OLAH: variants seen among roughly 807,000 people sequenced by gnomAD.
The protein encoded by OLAH is oleoyl-ACP hydrolase.
OLAH carries 33 observed loss-of-function variants against 27.8 expected under a neutral mutation model. The observed-to-expected ratio is 1.19, with a 90% CI of 0.90 to 1.59. The LOEUF (loss-of-function observed/expected upper bound fraction) is 1.59. OLAH is among the 40% of genes most tolerant of loss of function. The pLI, the probability that OLAH is intolerant of heterozygous loss-of-function variation, is 0.00. For missense variants in OLAH, 359 were observed against 310.8 expected, an observed-to-expected ratio of 1.16 and a Z score of -1.17; for synonymous variants, 120 against 102.9, an observed-to-expected ratio of 1.17 and a Z score of -1.01.
intron 6 of OLAH, 179 bp from the exon 7 acceptor site, chr10:15,071,616 A>G: frequency 1.0e-6 from 1 of 984,778 alleles, no homozygotes; most frequent in Non-Finnish European, 1.2e-6. Flanking sequence ...TAGTCTCCAC[A>G]CTGAGTCTCA....
chr10:15,042,564 C>T (rs1263283100), upstream of OLAH, among the ~76,000 whole-genome samples: 2 of 152,178 alleles, frequency 1.3e-5, no homozygotes, highest in Non-Finnish European at 2.9e-5. Context: ...CTCTTCTAGT[C>T]ATTTTAGAAT....
chr10:15,059,008 CCT>C (rs1250886876), intron 3 of OLAH, among the ~76,000 whole-genome samples: 2 of 129,484 alleles, frequency 1.5e-5, no homozygotes, highest in Admixed American at 7.6e-5. Context: ...TCTCTCCTTC[CCT>C]CTCTCCTTCC....
At chr10:15,047,447 C>T (rs1287245459) in intron 2 of OLAH, 127 bp downstream of exon 2, 2 of 931,360 alleles carry the variant, frequency 2.1e-6, no homozygotes, top group Admixed American at 4.1e-5. Flanking sequence ...GTAATCCCAG[C>T]ACTTTGGGAG....
chr10:15,043,612 C>A (rs1192056461), upstream of OLAH, among the ~76,000 whole-genome samples: 1 of 151,780 alleles, frequency 6.6e-6, no homozygotes, highest in African/African-American at 2.4e-5. Flanking sequence ...GTAGCAGGTG[C>A]CTACCACCAT....
rs909701755 is a variant in OLAH at position 15,051,587 on chromosome 10, G to C, written c.163+1822G>C. The stretch of plus-strand genomic sequence containing the variant: ...TTTCCCTCTTCTGACAGTATCCTTA[G>C]AGACACACCTATTATCTGTATGAAA... On this transcript the variant is annotated intron_variant, in intron 3 of 7. Coordinates refer to ENST00000378228, the MANE Select transcript of OLAH (RefSeq NM_001039702.3). 4.6e-5 allele frequency among the ~76,000 whole-genome samples: 7 copies of C among 152,162 alleles called. No individual in the cohort carries two copies. In the South Asian group the frequency reaches 1.5e-3, roughly 32 times the overall value.
intron 3 of OLAH, chr10:15,056,798 T>C: frequency 6.9e-7 from 1 of 1,439,794 alleles, no homozygotes; most frequent in Non-Finnish European, 9.1e-7. Context: ...GCTCGGCTAA[T>C]TTTATTTTAT....
At chr10:15,068,235 A>G (rs909572880) in intron 6 of OLAH, among the ~76,000 whole-genome samples, 3 of 152,094 alleles carry the variant, frequency 2.0e-5, no homozygotes, top group African/African-American at 4.8e-5. Flanking sequence ...AATGTTAGCC[A>G]CCTTTTCCAC....
chr10:15,056,802 A>G (rs2131359094), intron 3 of OLAH: 2 of 1,447,300 alleles, frequency 1.4e-6, no homozygotes, highest in African/African-American at 2.9e-5. Flanking sequence ...GGCTAATTTT[A>G]TTTTATTTTA....
chr10:15,058,078 T>C (rs766267920), intron 3 of OLAH, among the ~76,000 whole-genome samples: 11 of 152,224 alleles, frequency 7.2e-5, no homozygotes, highest in Non-Finnish European at 1.5e-4. Flanking sequence ...CGTGAAGTTA[T>C]AGATCCATTT....
At chr10:15,048,279 G>A (rs1844060375) in intron 2 of OLAH, among the ~76,000 whole-genome samples, 1 of 152,074 alleles carries the variant, frequency 6.6e-6, no homozygotes, top group Non-Finnish European at 1.5e-5. Context: ...GAGCGGTGGT[G>A]CGATCTCGGC....
At chr10:15,048,408 G>T (rs960150070) in intron 2 of OLAH, among the ~76,000 whole-genome samples, 2 of 152,176 alleles carry the variant, frequency 1.3e-5, no homozygotes, top group Non-Finnish European at 2.9e-5. Flanking sequence ...AGTAGAGACA[G>T]GGCTTCGCCA....
intron 3 of OLAH, among the ~76,000 whole-genome samples, chr10:15,059,447 A>G (rs1589248085): frequency 6.6e-6 from 1 of 151,504 alleles, no homozygotes; most frequent in Non-Finnish European, 1.5e-5. Context: ...TCGGCCTCCC[A>G]AAGTGCTGGG....
At chr10:15,051,078 ATT>A (rs35201278) in intron 3 of OLAH, among the ~76,000 whole-genome samples, 1 of 134,834 alleles carries the variant, frequency 7.4e-6, no homozygotes, top group African/African-American at 2.9e-5. Flanking sequence ...TATTATTATT[ATT>A]TTTTTTTTTT....
At position 15,058,130 on chromosome 10, in the gene OLAH, A is replaced by G. The variant is rs562528397; in HGVS notation, c.164-3594A>G. The stretch of plus-strand genomic sequence containing the variant: ...ATAACAATATTGATCCATGAGTGAG[A>G]TCTGTTTCTCCAGTTTAAAAAGTAT... On this transcript the variant is annotated intron_variant, in intron 3 of 7. Transcript: ENST00000378228. 4.6e-5 allele frequency among the ~76,000 whole-genome samples: 7 copies of G among 152,262 alleles called. No homozygotes were observed. In the East Asian group the frequency reaches 1.4e-3, roughly 29 times the overall value.
intron 3 of OLAH, among the ~76,000 whole-genome samples, chr10:15,060,612 G>T (rs912096094): frequency 6.6e-6 from 1 of 151,872 alleles, no homozygotes; most frequent in African/African-American, 2.4e-5. Context: ...TTCCATTTGG[G>T]TCTTTTAAAA....
At chr10:15,067,107 T>C (rs1589252907) in intron 6 of OLAH, among the ~76,000 whole-genome samples, 1 of 152,236 alleles carries the variant, frequency 6.6e-6, no homozygotes, top group African/African-American at 2.4e-5. Flanking sequence ...TGTATACTTA[T>C]ATCAAAATAT....
chr10:15,062,772 T>G (rs988913601), intron 4 of OLAH, among the ~76,000 whole-genome samples: 1 of 151,270 alleles, frequency 6.6e-6, no homozygotes, highest in Admixed American at 6.6e-5. Flanking sequence ...AGAGTCTCAC[T>G]GTGTCACCCA....
Position 15,065,772 on chromosome 10 carries a change from GT to G in OLAH, c.572+25del. On this transcript the variant is annotated intron_variant, in intron 6 of 7. Transcript: ENST00000378228. Reference sequence around the variant, plus strand: ...GTTGCACGTAAGTAACAGAAACAAGGTTTTTTCTTTTTTTGGTACAATTATT... The same window carrying G: ...GTTGCACGTAAGTAACAGAAACAAGGTTTTTCTTTTTTTGGTACAATTATT... 1 of 1,577,372 alleles carries G rather than the reference GT, an allele frequency of 6.3e-7. No homozygotes were observed. The highest frequency in any genetic ancestry group is 8.6e-7 in the Non-Finnish European group (1 of 1,164,116).
chr10:15,034,714 C>T (rs1370736297), intron 1 of OLAH, among the ~76,000 whole-genome samples: 3 of 152,084 alleles, frequency 2.0e-5, no homozygotes, highest in Non-Finnish European at 4.4e-5. Flanking sequence ...CCACTGTGGC[C>T]TATGCCAAAA....
Sources: allele counts gnomAD v4.1 joint callset (sites outside exome capture counted in the v4.1 genomes callset), GRCh38; gene constraint gnomAD v4.1.1; transcripts MANE v1.5; gene names NCBI Gene and HGNC (gene_info 2026-07-23, HGNC 2026-07-21).